The following TSPAN11 variants were observed in gnomAD, a reference collection of about 807,000 sequenced individuals.
TSPAN11 encodes tetraspanin-11.
A neutral mutation model predicts 32.9 loss-of-function variants in TSPAN11; 29 were observed. The ratio of observed to expected loss-of-function variants is 0.88; its 90% CI spans 0.66 to 1.20. The LOEUF is 1.20. Among genes scored for constraint, TSPAN11 ranks in the 50% most tolerant of loss-of-function variants. TSPAN11 has a pLI of 0.00. For synonymous variants in TSPAN11, 140 were observed against 141.3 expected, an observed-to-expected ratio of 0.99 and a Z score of 0.07; for missense variants, 283 against 329.1, an observed-to-expected ratio of 0.86 and a Z score of 1.08.
In TSPAN11 at chr12:30,982,651, C is replaced by T. The variant is rs141444254; in HGVS notation, c.576C>T (p.Cys192=). Residue 192 remains cysteine (C), a synonymous_variant, in exon 6 of 8, where the codon TGC becomes TGT. Transcript: ENST00000546076. The part of the protein sequence containing the change: ...DSCCKTVVVR[C]GQRAHPSNIY... ...GCTGCAAGACAGTGGTGGTGCGCTG[C>T]GGCCAGCGGGCCCACCCCTCCAACA... is the stretch of plus-strand genomic sequence containing the variant. 1,425 of 1,604,546 alleles carry T rather than the reference C, an allele frequency of 8.9e-4. 13 individuals are homozygous for T. In the African/African-American group the frequency reaches 0.016, roughly 18 times the overall value.
chr12:30,982,928 T>A, intron 6 of TSPAN11, 136 bp from the exon 7 acceptor site: 1 of 1,112,254 alleles, frequency 9.0e-7, no homozygotes, highest in Non-Finnish European at 1.3e-6. Context: ...AAGTAGCCTG[T>A]GAGCAATTCA....
the TSPAN11 span, among the ~76,000 whole-genome samples, chr12:31,016,489 A>AAGGAG: frequency 1.3e-5 from 2 of 151,828 alleles, no homozygotes; most frequent in Admixed American, 6.6e-5. Context: ...GAGGAGAGGA[A>AAGGAG]AGGAGAGGAG....
intron 2 of TSPAN11, among the ~76,000 whole-genome samples, chr12:30,959,161 G>A (rs187559288): frequency 4.6e-5 from 7 of 152,248 alleles, no homozygotes; most frequent in East Asian, 3.9e-4. Flanking sequence ...TCACTGGGGC[G>A]GCTCCCGGGT....
intron 3 of TSPAN11, among the ~76,000 whole-genome samples, chr12:30,976,649 C>T (rs1938978834): frequency 6.6e-6 from 1 of 152,200 alleles, no homozygotes; most frequent in Admixed American, 6.5e-5. Flanking sequence ...GTCCGTAGGG[C>T]AGAGGGAACA....
chr12:30,988,146 T>C lies in TSPAN11; in HGVS notation c.703-3710T>C, dbSNP rs1464175898. 2.6e-5 allele frequency among the ~76,000 whole-genome samples: 4 copies of C among 152,300 alleles called. 1 individual carries two copies. In the South Asian group the frequency reaches 8.3e-4, roughly 32 times the overall value. ...CCAGGCTTCTCACCCACCTCAGTCA[T>C]GGAACAGCACACCAGAGGCAGTTTC... On this transcript the variant is annotated intron_variant, in intron 7 of 7. Coordinates refer to ENST00000546076, the MANE Select transcript of TSPAN11 (RefSeq NM_001370302.1).
At chr12:30,959,461 C>G (rs1938565223) in intron 2 of TSPAN11, among the ~76,000 whole-genome samples, 1 of 152,154 alleles carries the variant, frequency 6.6e-6, no homozygotes, top group African/African-American at 2.4e-5. Flanking sequence ...TCCAAATCCA[C>G]ACAGCCAGTA....
intron 1 of TSPAN11, among the ~76,000 whole-genome samples, chr12:30,941,841 C>T (rs1372640893): frequency 6.6e-6 from 1 of 152,266 alleles, no homozygotes; most frequent in African/African-American, 2.4e-5. Flanking sequence ...CTGCGCCTTG[C>T]TTCCATCTTG....
At chr12:30,967,379 G>T (rs1054566988) in intron 3 of TSPAN11, among the ~76,000 whole-genome samples, 6 of 152,354 alleles carry the variant, frequency 3.9e-5, no homozygotes, top group Admixed American at 3.9e-4. Flanking sequence ...CCAAAGCCTT[G>T]CTGGGCACCT....
At position 30,995,914 on chromosome 12, in the gene TSPAN11, C is replaced by G. The variant is rs1939407411; in HGVS notation, c.*3999C>G. The G allele has an allele frequency of 6.6e-6, 1 of 152,282 alleles. No individual in the cohort carries two copies. The highest frequency in any genetic ancestry group is 1.5e-5 in the Non-Finnish European group (1 of 68,138). 9.4% of individuals were successfully genotyped at this position (152,282 alleles called of 1,614,324 possible). On this transcript the variant is annotated 3_prime_UTR_variant, in exon 8 of 8. Coordinates refer to ENST00000546076, the MANE Select transcript of TSPAN11 (RefSeq NM_001370302.1). ...TGGAACCACACTTTGAGAACCACTG[C>G]TTTAGACCAAACACCAAAGGAAGAT... is the stretch of plus-strand genomic sequence containing the variant.
chr12:30,968,880 T>C (rs1158131242), intron 3 of TSPAN11, among the ~76,000 whole-genome samples: 2 of 152,120 alleles, frequency 1.3e-5, no homozygotes, highest in Non-Finnish European at 1.5e-5. Context: ...TGGGCTCGGG[T>C]TCAAAAGCTG....
At chr12:30,978,847 A>G in intron 4 of TSPAN11, 2 of 559,244 alleles carry the variant, frequency 3.6e-6, no homozygotes, top group Non-Finnish European at 6.4e-6. Flanking sequence ...GATGTCTTCC[A>G]CATGGGAGCT....
intron 1 of TSPAN11, among the ~76,000 whole-genome samples, chr12:30,949,720 C>A (rs1159036735): frequency 6.6e-6 from 1 of 152,150 alleles, no homozygotes; most frequent in African/African-American, 2.4e-5. Flanking sequence ...TCCCTCCTGG[C>A]CTTGTCATTT....
At chr12:30,966,106 A>G (rs150397073) in intron 3 of TSPAN11, among the ~76,000 whole-genome samples, 1,705 of 151,628 alleles carry the variant, frequency 0.011, 29 homozygotes, top group African/African-American at 0.04. Context: ...ACCCTGTCCT[A>G]GACAGATTCA....
At chr12:30,980,859 G>T (rs1939076545) in intron 5 of TSPAN11, among the ~76,000 whole-genome samples, 1 of 152,202 alleles carries the variant, frequency 6.6e-6, no homozygotes, top group African/African-American at 2.4e-5. Context: ...GCAAAACTAA[G>T]TGTGCACTCC....
intron 1 of TSPAN11, among the ~76,000 whole-genome samples, chr12:30,936,967 G>C (rs1003489657): frequency 3.3e-5 from 5 of 152,244 alleles, no homozygotes; most frequent in Non-Finnish European, 4.4e-5. Flanking sequence ...AGAAAGGACA[G>C]TTTTGGAGAT....
chr12:30,980,822 G>A (rs1331182905), intron 5 of TSPAN11, among the ~76,000 whole-genome samples: 1 of 152,182 alleles, frequency 6.6e-6, no homozygotes, highest in Non-Finnish European at 1.5e-5. Flanking sequence ...CCAGGAGGAG[G>A]CAGCACACAC....
At chr12:30,978,790 G>A in intron 4 of TSPAN11, 155 bp downstream of exon 4, 2 of 667,074 alleles carry the variant, frequency 3.0e-6, no homozygotes, top group Non-Finnish European at 5.3e-6. Context: ...CTGCATCCCA[G>A]CTGCTGGTCC....
rs965846612 is a variant in TSPAN11, at chr12:30,993,909, G to A, written c.*1994G>A. 5.3e-5 allele frequency: 8 copies of A among 152,260 alleles called. No homozygotes were observed. The highest frequency in any genetic ancestry group is 1.7e-4 in the African/African-American group (7 of 41,464). The allele number at this position is 152,260 out of a possible 1,614,324, so 9.4% of individuals were successfully genotyped here. A position where few individuals can be genotyped will look rare whatever the true frequency, so the allele number is the denominator to read the frequency against. On this transcript the variant is annotated 3_prime_UTR_variant, in exon 8 of 8. Transcript: ENST00000546076. Reference sequence around the variant, plus strand: ...GGGGATGAAAGACAGGTGACAGGCAGGTGCCCTGTGCACAGCCTTATCATT... The same window carrying A: ...GGGGATGAAAGACAGGTGACAGGCAAGTGCCCTGTGCACAGCCTTATCATT...
chr12:30,987,074 A>G (rs1486251627), intron 7 of TSPAN11, among the ~76,000 whole-genome samples: 1 of 152,258 alleles, frequency 6.6e-6, no homozygotes, highest in Non-Finnish European at 1.5e-5. Flanking sequence ...AACCTTTAAT[A>G]GAGTTAAAGT....
Sources: allele counts gnomAD v4.1 joint callset (sites outside exome capture counted in the v4.1 genomes callset), GRCh38; gene constraint gnomAD v4.1.1; transcripts MANE v1.5; gene names NCBI Gene and HGNC (gene_info 2026-07-23, HGNC 2026-07-21).